Variants in CNTNAP5 observed in about 807,000 individuals in gnomAD.
CNTNAP5 encodes the protein contactin-associated protein-like 5.
In CNTNAP5, 72 loss-of-function variants were observed where a neutral mutation model predicts 150.2. That is an observed-to-expected ratio of 0.48 (90% CI 0.40 to 0.58). The LOEUF is 0.58. Ranked by LOEUF, CNTNAP5 falls within the 20% of genes least tolerant of loss-of-function variation. The pLI is 0.00. For missense variants in CNTNAP5, 1,636 were observed against 1,626.2 expected (o/e 1.01, Z -0.10); for synonymous variants, 672 against 619.8 (o/e 1.08, Z -1.25).
intron 16 of CNTNAP5, among the ~76,000 whole-genome samples, chr2:124,770,024 G>A (rs1044482952): frequency 2.6e-5 from 4 of 152,096 alleles, no homozygotes; most frequent in African/African-American, 9.7e-5. Context: ...ACTGATTCTA[G>A]GAGGTGCAGC....
intron 4 of CNTNAP5, among the ~76,000 whole-genome samples, chr2:124,423,701 G>A (rs1282522349): frequency 9.7e-6 from 1 of 103,582 alleles, no homozygotes; most frequent in Non-Finnish European, 1.7e-5. Context: ...GTCTCGCTCT[G>A]TCGCCCAGGC....
Position 124,609,796 on chromosome 2 carries a change from T to C in CNTNAP5, c.1757-5T>C. On this transcript the variant is annotated splice_polypyrimidine_tract_variant and splice_region_variant and intron_variant, in intron 11 of 23. Coordinates refer to ENST00000682447, the MANE Select transcript of CNTNAP5 (RefSeq NM_001367498.1). ...GTTTTATCTCTGCTGCCTTTGTCTT[T>C]CCAGCCATCTACGAGCAATCCTGCG... The C allele has an allele frequency of 6.2e-7, 1 of 1,613,256 alleles. No homozygotes were observed. Among genetic ancestry groups the C allele is most frequent in the South Asian group, 1.1e-5 (1 of 91,026 alleles).
rs555388515 is a variant in CNTNAP5 at position 124,598,919 on chromosome 2, G to A, written c.1757-10882G>A. Among the ~76,000 whole-genome samples the A allele has an allele frequency of 4.0e-4, 61 of 151,938 alleles. 1 individual carries two copies. Among genetic ancestry groups the A allele is most frequent in the Admixed American group, 3.3e-3 (50 of 15,252 alleles). Reference sequence around the variant, plus strand: ...GTGACCCGATTTTCCAGGTGCGTCCGTCACCCCTTTCTTTGACTCGGAAAG... The same window carrying A: ...GTGACCCGATTTTCCAGGTGCGTCCATCACCCCTTTCTTTGACTCGGAAAG... On this transcript the variant is annotated intron_variant, in intron 11 of 23. Coordinates refer to ENST00000682447, the MANE Select transcript of CNTNAP5 (RefSeq NM_001367498.1).
At chr2:124,399,810 G>C (rs1430089882) in intron 3 of CNTNAP5, among the ~76,000 whole-genome samples, 2 of 152,048 alleles carry the variant, frequency 1.3e-5, no homozygotes, top group African/African-American at 2.4e-5. Context: ...GAATAGTCTG[G>C]GTAACATAGG....
At chr2:124,430,292 T>G (rs2104790569) in intron 4 of CNTNAP5, among the ~76,000 whole-genome samples, 1 of 152,252 alleles carries the variant, frequency 6.6e-6, no homozygotes, top group Admixed American at 6.5e-5. Flanking sequence ...TATATACCTC[T>G]TTGTCTCTTT....
intron 1 of CNTNAP5, among the ~76,000 whole-genome samples, chr2:124,213,549 C>G (rs917508467): frequency 3.3e-5 from 5 of 152,152 alleles, no homozygotes; most frequent in Admixed American, 6.5e-5. Flanking sequence ...TCTGTCCAGC[C>G]TGACCCTTTA....
intron 18 of CNTNAP5, among the ~76,000 whole-genome samples, chr2:124,797,620 C>T (rs1416801011): frequency 1.3e-5 from 2 of 152,208 alleles, no homozygotes; most frequent in African/African-American, 2.4e-5. Flanking sequence ...CAATGTCTTG[C>T]TCTGTATTTA....
chr2:124,826,559 AG>A (rs766636425), intron 19 of CNTNAP5, among the ~76,000 whole-genome samples: 35 of 152,222 alleles, frequency 2.3e-4, no homozygotes, highest in Admixed American at 1.2e-3. Context: ...AGGGCTACAC[AG>A]GGTTTGCAAA....
At chr2:124,296,105 C>A (rs1688424115) in intron 3 of CNTNAP5, among the ~76,000 whole-genome samples, 1 of 152,076 alleles carries the variant, frequency 6.6e-6, no homozygotes, top group Admixed American at 6.6e-5. Context: ...CTTACTAGAT[C>A]CATTCATATC....
intron 17 of CNTNAP5, among the ~76,000 whole-genome samples, chr2:124,786,442 G>GGAAGGAAGGAAA: frequency 1.1e-5 from 1 of 90,346 alleles, no homozygotes; most frequent in East Asian, 3.1e-4. Flanking sequence ...AAGGAAGGAA[G>GGAAGGAAGGAAA]GAAGGAAAGA....
chr2:124,266,098 G>T (rs1450658683), intron 3 of CNTNAP5, among the ~76,000 whole-genome samples: 3 of 152,044 alleles, frequency 2.0e-5, no homozygotes, highest in African/African-American at 4.8e-5. Flanking sequence ...TCTATAAAAA[G>T]AAAAATTAAA....
rs534259613 is a variant in CNTNAP5, at chr2:124,908,294, C to A, written c.3656-3173C>A. 3.3e-5 allele frequency among the ~76,000 whole-genome samples: 5 copies of A among 152,152 alleles called. No individual in the cohort carries two copies. In the East Asian group the frequency reaches 9.7e-4, roughly 30 times the overall value. ...GCTGAGGCAGGAGAGTAGCTTGAAC[C>A]TGGGAGGCAGAGGTTGCAGTGAGCT... is the stretch of plus-strand genomic sequence containing the variant. On this transcript the variant is annotated intron_variant, in intron 22 of 23. Transcript: ENST00000682447.
intron 3 of CNTNAP5, among the ~76,000 whole-genome samples, chr2:124,293,966 T>C (rs1688362250): frequency 6.6e-6 from 1 of 152,122 alleles, no homozygotes; most frequent in Non-Finnish European, 1.5e-5. Flanking sequence ...AACATGGATG[T>C]AGTCCTCAAA....
chr2:124,713,338 T>TCTTTCTTC, intron 13 of CNTNAP5, among the ~76,000 whole-genome samples: 1 of 122,104 alleles, frequency 8.2e-6, no homozygotes, highest in Non-Finnish European at 1.7e-5. Flanking sequence ...TTTCTTTCTT[T>TCTTTCTTC]CTTTCTTTCT....
intron 3 of CNTNAP5, among the ~76,000 whole-genome samples, chr2:124,371,499 G>A (rs955703175): frequency 3.3e-5 from 5 of 152,220 alleles, no homozygotes; most frequent in African/African-American, 1.2e-4. Flanking sequence ...AAAATGAGGA[G>A]TTAAATATCT....
At chr2:124,753,006 A>C (rs1680762482) in intron 14 of CNTNAP5, among the ~76,000 whole-genome samples, 1 of 152,204 alleles carries the variant, frequency 6.6e-6, no homozygotes, top group Non-Finnish European at 1.5e-5. Context: ...GTTGCCCTAA[A>C]GTGAAGCTCT....
intron 1 of CNTNAP5, among the ~76,000 whole-genome samples, chr2:124,109,282 T>C (rs1683243386): frequency 6.6e-6 from 1 of 152,174 alleles, no homozygotes; most frequent in African/African-American, 2.4e-5. Context: ...CTTCTCTGCC[T>C]CTGGATGCCC....
chr2:124,478,156 A>C (rs182263416), intron 7 of CNTNAP5, among the ~76,000 whole-genome samples: 99 of 152,278 alleles, frequency 6.5e-4, no homozygotes, highest in Admixed American at 5.3e-3. Context: ...AGAAAAAAAA[A>C]ACTTCAGTTT....
At chr2:124,319,505 C>G (rs1434160227) in intron 3 of CNTNAP5, among the ~76,000 whole-genome samples, 2 of 152,124 alleles carry the variant, frequency 1.3e-5, no homozygotes, top group Non-Finnish European at 2.9e-5. Flanking sequence ...ATATTTGACT[C>G]TTTTCCAGAC....
Sources: gnomAD v4.1 joint callset for allele counts (sites outside exome capture counted in the v4.1 genomes callset) on GRCh38, gnomAD v4.1.1 for gene constraint, MANE v1.5 for transcripts, NCBI Gene and HGNC (gene_info 2026-07-23, HGNC 2026-07-21) for gene names.